Variants in ASPM observed in about 807,000 individuals in gnomAD.
The protein encoded by ASPM is assembly factor for spindle microtubules.
ASPM carries 256 observed loss-of-function variants against 366.4 expected under a neutral mutation model. The ratio of observed to expected loss-of-function variants is 0.70; its 90% CI spans 0.63 to 0.77. The LOEUF (loss-of-function observed/expected upper bound fraction) is 0.77. ASPM is among the 30% of genes least tolerant of loss of function. The pLI, the probability that ASPM is intolerant of heterozygous loss-of-function variation, is 0.00. For synonymous variants in ASPM, 1,414 were observed against 1,342.9 expected, an observed-to-expected ratio of 1.05 and a Z score of -1.16; for missense variants, 4,146 against 4,090.4, an observed-to-expected ratio of 1.01 and a Z score of -0.37.
chr1:197,137,830 CATA>C (rs1376383531), intron 4 of ASPM, among the ~76,000 whole-genome samples: 10 of 152,144 alleles, frequency 6.6e-5, no homozygotes, highest in African/African-American at 1.9e-4. Flanking sequence ...ATCTGTAAGA[CATA>C]ATATTATCAT....
intron 10 of ASPM, among the ~76,000 whole-genome samples, chr1:197,126,865 G>A (rs916091199): frequency 3.9e-5 from 6 of 152,136 alleles, no homozygotes; most frequent in Admixed American, 1.3e-4. Flanking sequence ...CTGGCCAAGC[G>A]GTCCTCTGAC....
intron 5 of ASPM, among the ~76,000 whole-genome samples, chr1:197,134,716 T>C (rs1332092838): frequency 6.6e-6 from 1 of 152,194 alleles, no homozygotes; most frequent in African/African-American, 2.4e-5. Context: ...GAACAAACAC[T>C]GAAATGTTTA....
chr1:197,114,817 C>T (rs1004333065), intron 17 of ASPM, among the ~76,000 whole-genome samples: 6 of 152,166 alleles, frequency 3.9e-5, no homozygotes, highest in African/African-American at 9.6e-5. Context: ...GACGTGATCT[C>T]GGCTCACTGC....
intron 3 of ASPM, among the ~76,000 whole-genome samples, 179 bp from the exon 4 acceptor site, chr1:197,140,050 A>AGAAGTCACAGACCAT (rs1247801335): frequency 1.3e-5 from 2 of 152,258 alleles, no homozygotes; most frequent in African/African-American, 4.8e-5. Flanking sequence ...ACCAACATCC[A>AGAAGTCACAGACCAT]GAAGTCACAG....
In ASPM at chr1:197,143,757, G is replaced by A; in HGVS notation, c.495C>T (p.His165=). ...KKKKISASTS[H]NRRVSNIQNV... is the part of the protein sequence containing the mutation. ...TCTGAATATTTGAAACCCTTCTGTT[G>A]TGACTTGTAGAGGCTGAAATTTTCT... Residue 165 remains histidine (H), a synonymous_variant, in exon 3 of 28, where the codon CAC becomes CAT. Coordinates refer to ENST00000367409, the MANE Select transcript of ASPM (RefSeq NM_018136.5). The A allele has an allele frequency of 6.2e-7, 1 of 1,612,632 alleles. No homozygotes were observed. Among genetic ancestry groups the A allele is most frequent in the Non-Finnish European group, 8.5e-7 (1 of 1,179,564 alleles).
chr1:197,129,234 GTC>G lies in ASPM; in HGVS notation c.2711_2712del (p.Arg904ThrfsTer3), dbSNP rs1329805739. On this transcript the variant is annotated frameshift_variant, in exon 9 of 28. Transcript: ENST00000367409. LOFTEE classifies it high-confidence loss of function. ...VCFLDYAKIS[R>X]LIDHDPCLFC... ...AAGAGACAAGGATCATGATCAATGA[GTC>G]TGGAAATTTTAGCATAATCAAGAAA... 6.2e-7 allele frequency: 1 copy of G among 1,612,314 alleles called. No individual in the cohort carries two copies. The highest frequency in any genetic ancestry group is 8.5e-7 in the Non-Finnish European group (1 of 1,178,664).
Position 197,101,419 on chromosome 1 carries a change from C to T in ASPM, c.7832G>A (p.Gly2611Asp), listed in dbSNP as rs1657173758. 6 of 1,608,400 alleles carry T rather than the reference C, an allele frequency of 3.7e-6. No individual in the cohort carries two copies. In the African/African-American group the frequency reaches 4.0e-5, roughly 11 times the overall value. The change falls in exon 18 of 28, where the codon GGT becomes GAT. Residue 2611 changes from glycine to aspartate, a missense_variant. By Grantham distance (94) the Gly-to-Asp change is moderately conservative. This residue lies in a region of ASPM where 3,624 missense variants were observed against 3,591.7 expected (regional missense o/e 1.01). Transcript: ENST00000367409. ...TTTTTTTATGTTCATGTCCTGAAAA[C>T]CTGCCTGAACACAAGTCTCTTTCTT... ...ELKKETCVQA[G>D]FQDMNIKKQI...
intron 13 of ASPM, among the ~76,000 whole-genome samples, chr1:197,123,887 G>A (rs920573037): frequency 1.3e-5 from 2 of 151,940 alleles, no homozygotes; most frequent in African/African-American, 4.8e-5. Context: ...CTTCCATCTA[G>A]GGCATATTTT....
chr1:197,089,693 TG>T (rs1438004664), intron 25 of ASPM, among the ~76,000 whole-genome samples: 1 of 152,006 alleles, frequency 6.6e-6, no homozygotes, highest in Non-Finnish European at 1.5e-5. Flanking sequence ...TAATCATCAT[TG>T]TTTTTAATAT....
intron 18 of ASPM, among the ~76,000 whole-genome samples, chr1:197,099,102 T>C (rs1657075438): frequency 6.6e-6 from 1 of 151,604 alleles, no homozygotes; most frequent in Non-Finnish European, 1.5e-5. Context: ...TACAATCCCA[T>C]TGTCACAAAC....
chr1:197,084,342 C>T lies in ASPM; in HGVS notation c.10416G>A (p.Thr3472=), dbSNP rs150108952. ...PLQAIQMVMD[T]LGIPY ...ACATTTACTAATAAGGAATGCCAAG[C>T]GTATCCATCACCATTTGAATAGCTT... is the stretch of plus-strand genomic sequence containing the variant. The change falls in exon 28 of 28, where the codon ACG becomes ACA. Residue 3472 remains threonine, a synonymous_variant. Transcript: ENST00000367409. 313 of 1,610,270 alleles carry T rather than the reference C, an allele frequency of 1.9e-4. 1 individual carries two copies. Among genetic ancestry groups the T allele is most frequent in the Non-Finnish European group, 2.4e-4 (285 of 1,177,610 alleles).
chr1:197,122,036 A>T lies in ASPM; in HGVS notation c.3749T>A (p.Ile1250Asn), dbSNP rs540453446. Residue 1250 changes from isoleucine (I) to asparagine (N), a missense_variant, in exon 16 of 28, where the codon ATT (isoleucine) becomes AAT (asparagine). By Grantham distance (149) the Ile-to-Asn change is moderately radical. Coordinates refer to ENST00000367409, the MANE Select transcript of ASPM (RefSeq NM_018136.5). The stretch of plus-strand genomic sequence containing the variant: ...TGCACAAAGAAATGACAAATAGGTA[A>T]TAACCACCTAAAAAAAACCCACAAA... The part of the protein sequence containing the change: ...SNTIPDEKVV[I>N]TYLSFLCARL... 1.2e-6 allele frequency: 2 copies of T among 1,612,096 alleles called. No homozygotes were observed. The highest frequency in any genetic ancestry group is 1.1e-5 in the South Asian group (1 of 90,992).
Position 197,104,167 on chromosome 1 carries a change from C to T in ASPM, c.5084G>A (p.Arg1695His), listed in dbSNP as rs541097917. ...TGCTCTTAAATGCAAATATTGTTTA[C>T]GTGTTTGTTTCATCTTAACAGTTGA... Reference protein sequence around the residue: ...LQSTVKMKQTRKQYLHLRAAA... With the variant: ...LQSTVKMKQTHKQYLHLRAAA... The change falls in exon 18 of 28, where the codon CGT (arginine) becomes CAT (histidine). Residue 1695 changes from arginine (R) to histidine (H), a missense_variant. By Grantham distance (29) the Arg-to-His change is conservative. Around this residue, in one of 3 missense-constraint regions of ASPM, gnomAD observed 3,624 missense variants for 3,591.7 expected, o/e 1.01. Transcript: ENST00000367409. 3.1e-5 allele frequency: 50 copies of T among 1,612,546 alleles called. No homozygotes were observed. The highest frequency in any genetic ancestry group is 2.3e-4 in the Admixed American group (14 of 59,740).
At chr1:197,090,495 G>C (rs2125088209) in intron 23 of ASPM, 107 bp from the exon 24 acceptor site, 1 of 915,566 alleles carries the variant, frequency 1.1e-6, no homozygotes, top group Non-Finnish European at 1.6e-6. Context: ...TATTTGACAT[G>C]ATCACATACA....
intron 17 of ASPM, among the ~76,000 whole-genome samples, chr1:197,107,033 G>C (rs1657433659): frequency 6.6e-6 from 1 of 152,058 alleles, no homozygotes; most frequent in African/African-American, 2.4e-5. Context: ...TATGGGCGCA[G>C]TCATGGAAAG....
rs567554863 is a variant in ASPM, at chr1:197,132,404, C to T, written c.2420-52G>A. ...GTTCAAATTGATAATCAAATAGAGA[C>T]AAGAAATAAAACTTCAAGGAGAGTA... On this transcript the variant is annotated intron_variant, in intron 6 of 27. Coordinates refer to ENST00000367409, the MANE Select transcript of ASPM (RefSeq NM_018136.5). 1.2e-5 allele frequency: 18 copies of T among 1,506,920 alleles called. No individual in the cohort carries two copies. The East Asian group carries it at 2.3e-4, about 19-fold the overall frequency. 93.3% of individuals were successfully genotyped at this position (1,506,920 alleles called of 1,614,324 possible).
Position 197,088,446 on chromosome 1 carries a change from GA to G in ASPM, c.9985-15del. The G allele has an allele frequency of 1.3e-6, 2 of 1,575,610 alleles. No homozygotes were observed. The highest frequency in any genetic ancestry group is 1.7e-6 in the Non-Finnish European group (2 of 1,151,460). On this transcript the variant is annotated splice_polypyrimidine_tract_variant and intron_variant, in intron 25 of 27. Coordinates refer to ENST00000367409, the MANE Select transcript of ASPM (RefSeq NM_018136.5). The stretch of plus-strand genomic sequence containing the variant: ...AGTTTTCTCATACTTGAAGAGAACA[GA>G]ATGAAATTAAAAGTTGTAATAAACA...
chr1:197,107,865 C>A (rs1405431206), intron 17 of ASPM, among the ~76,000 whole-genome samples: 2 of 152,108 alleles, frequency 1.3e-5, no homozygotes, highest in African/African-American at 4.8e-5. Flanking sequence ...TGCAACAAGT[C>A]AATTATGCTA....
chr1:197,146,091 T>C (rs753719516), intron 1 of ASPM, 50 bp downstream of exon 1: 26 of 1,610,160 alleles, frequency 1.6e-5, no homozygotes, highest in Middle Eastern at 1.7e-4. Flanking sequence ...GCAGGAAAGA[T>C]AGCGGAGAAG....
Sources: gnomAD v4.1 joint callset for allele counts (sites outside exome capture counted in the v4.1 genomes callset) on GRCh38, gnomAD v4.1.1 for gene constraint, gnomAD v4.1.1 regional missense constraint, MANE v1.5 for transcripts, NCBI Gene and HGNC (gene_info 2026-07-23, HGNC 2026-07-21) for gene names.